The following EIF4E variants were observed in gnomAD, a reference collection of about 807,000 sequenced individuals.
EIF4E encodes eukaryotic translation initiation factor 4E, also known as eIF-4F 25 kDa subunit.
For synonymous variants in EIF4E, 71 were observed against 88.5 expected (o/e 0.80, Z 1.11); for missense variants, 113 against 265.6 (o/e 0.43, Z 3.99).
chr4:98,911,068 G>GAGAC, intron 1 of EIF4E, among the ~76,000 whole-genome samples: 1 of 148,036 alleles, frequency 6.8e-6, no homozygotes, highest in Non-Finnish European at 1.5e-5. Flanking sequence ...TTTTCCCTTT[G>GAGAC]AGACAGAGTC....
At chr4:98,913,146 T>C (rs1467322195) in intron 1 of EIF4E, among the ~76,000 whole-genome samples, 1 of 151,678 alleles carries the variant, frequency 6.6e-6, no homozygotes, top group African/African-American at 2.4e-5. Context: ...AGGCAGAGGT[T>C]GCAGTGAGCC....
intron 2 of EIF4E, among the ~76,000 whole-genome samples, chr4:98,898,375 G>A (rs775290188): frequency 4.7e-4 from 72 of 152,176 alleles, no homozygotes; most frequent in Admixed American, 5.9e-4. Flanking sequence ...TTGCGAGGCC[G>A]AGGTGGGTGG....
chr4:98,887,304 T>C lies in EIF4E; in HGVS notation c.286-112A>G. ...TGTCAACTTCTTACTTTATTGCCCA[T>C]AAAACTGCCATTGATGTAGTTTTTA... On this transcript the variant is annotated intron_variant, in intron 4 of 6. Coordinates refer to ENST00000450253, the MANE Select transcript of EIF4E (RefSeq NM_001968.5). The surrounding 1 kb of genome is among the most constrained non-coding windows in gnomAD (Gnocchi z 4.0). 9.1e-7 allele frequency: 1 copy of C among 1,101,488 alleles called. No homozygotes were observed. Among genetic ancestry groups the C allele is most frequent in the Non-Finnish European group, 1.4e-6 (1 of 719,782 alleles). The allele number at this position is 1,101,488 out of a possible 1,614,324, so 68.2% of individuals were successfully genotyped here. A position where few individuals can be genotyped will look rare whatever the true frequency, so the allele number is the denominator to read the frequency against.
chr4:98,900,778 C>T (rs1167774649), intron 2 of EIF4E, among the ~76,000 whole-genome samples: 1 of 152,104 alleles, frequency 6.6e-6, no homozygotes, highest in African/African-American at 2.4e-5. Context: ...TTGGGAAAAG[C>T]CATATAATGA....
At chr4:98,905,165 CT>C (rs1485858713) in intron 1 of EIF4E, among the ~76,000 whole-genome samples, 1 of 151,090 alleles carries the variant, frequency 6.6e-6, no homozygotes, top group Non-Finnish European at 1.5e-5. Flanking sequence ...CTAGTGTTCT[CT>C]CAATGAGCAA....
intron 1 of EIF4E, among the ~76,000 whole-genome samples, chr4:98,927,632 G>T (rs1354020424): frequency 8.6e-6 from 1 of 116,162 alleles, no homozygotes. Flanking sequence ...TCCAGCCTGG[G>T]CGACAAAGCA....
chr4:98,909,554 C>G (rs1725016585), intron 1 of EIF4E: 1 of 649,448 alleles, frequency 1.5e-6, no homozygotes, highest in South Asian at 1.9e-5. Flanking sequence ...TCTAACTCCA[C>G]TGAATCCAGT....
chr4:98,891,616 A>C (rs149836921), intron 2 of EIF4E: 16 of 348,360 alleles, frequency 4.6e-5, no homozygotes, highest in African/African-American at 3.0e-4. Context: ...AAGAAGTCAA[A>C]TTCATAGAAA....
At chr4:98,927,654 C>CAA (rs774720176) in intron 1 of EIF4E, among the ~76,000 whole-genome samples, 472 of 35,088 alleles carry the variant, frequency 0.013, 34 homozygotes, top group Non-Finnish European at 0.018. Context: ...GACTCCATCT[C>CAA]AAAAAAAAAA....
At chr4:98,928,256 G>A (rs997172003) in intron 1 of EIF4E, among the ~76,000 whole-genome samples, 5 of 152,038 alleles carry the variant, frequency 3.3e-5, no homozygotes, top group Non-Finnish European at 5.9e-5. Flanking sequence ...ACCGGCTACA[G>A]CGATCTGTAG....
intron 1 of EIF4E, among the ~76,000 whole-genome samples, chr4:98,904,122 GAGA>G (rs148161627): frequency 0.067 from 10,227 of 152,164 alleles, 1,109 homozygotes; most frequent in African/African-American, 0.23. Context: ...TGGCCTAACA[GAGA>G]AGAACAGCTA....
intron 1 of EIF4E, among the ~76,000 whole-genome samples, chr4:98,925,749 G>T (rs963825226): frequency 1.3e-5 from 2 of 152,182 alleles, no homozygotes; most frequent in East Asian, 3.8e-4. Context: ...AAGTGTTTAT[G>T]ATTATGCACA....
Position 98,879,843 on chromosome 4 carries a change from A to C in EIF4E, c.*1185T>G, listed in dbSNP as rs1362711402. The C allele has an allele frequency of 1.3e-5, 2 of 152,198 alleles. No individual in the cohort carries two copies. Among genetic ancestry groups the C allele is most frequent in the Non-Finnish European group, 2.9e-5 (2 of 68,012 alleles). 9.4% of individuals were successfully genotyped at this position (152,198 alleles called of 1,614,324 possible). The stretch of plus-strand genomic sequence containing the variant: ...TGACTGTGCCTTACTTTATAAAAAA[A>C]CAAAGATAGCCACATCAATTTAATT... On this transcript the variant is annotated 3_prime_UTR_variant, in exon 7 of 7. Coordinates refer to ENST00000450253, the MANE Select transcript of EIF4E (RefSeq NM_001968.5).
chr4:98,896,853 C>G (rs1724433145), intron 2 of EIF4E, among the ~76,000 whole-genome samples: 1 of 151,668 alleles, frequency 6.6e-6, no homozygotes, highest in African/African-American at 2.4e-5. Flanking sequence ...CTGTGGGGCC[C>G]CAGCTGGGGT....
chr4:98,900,099 G>T (rs1724583604), intron 2 of EIF4E, among the ~76,000 whole-genome samples: 1 of 149,978 alleles, frequency 6.7e-6, no homozygotes, highest in South Asian at 2.1e-4. Flanking sequence ...CAATAAAAGT[G>T]ACACCAAGAA....
At chr4:98,890,484 A>T (rs566287748) in intron 3 of EIF4E, among the ~76,000 whole-genome samples, 1 of 152,334 alleles carries the variant, frequency 6.6e-6, no homozygotes, top group South Asian at 2.1e-4. Context: ...AACTTCTTGA[A>T]ATAGACTTTA....
chr4:98,891,547 A>G lies in EIF4E; in HGVS notation c.126-215T>C, dbSNP rs7678621. 3.2e-3 allele frequency: 1,796 copies of G among 570,046 alleles called. 26 individuals carry two copies. Among genetic ancestry groups the G allele is most frequent in the African/African-American group, 0.031 (1,639 of 53,342 alleles). 35.3% of individuals were successfully genotyped at this position (570,046 alleles called of 1,614,324 possible). A position where few individuals can be genotyped will look rare whatever the true frequency, so the allele number is the denominator to read the frequency against. The stretch of plus-strand genomic sequence containing the variant: ...AGGGGAAGCTAAGGACATTAAGTGA[A>G]TAAGCCAGCCCCCCTCCAAAAAAGA... On this transcript the variant is annotated intron_variant, in intron 2 of 6. Coordinates refer to ENST00000450253, the MANE Select transcript of EIF4E (RefSeq NM_001968.5).
At chr4:98,892,968 T>G (rs778561270) in intron 2 of EIF4E, among the ~76,000 whole-genome samples, 2 of 152,192 alleles carry the variant, frequency 1.3e-5, no homozygotes, top group African/African-American at 2.4e-5. Context: ...ATATTATATA[T>G]AGAGGCATAC....
intron 2 of EIF4E, among the ~76,000 whole-genome samples, chr4:98,901,156 C>A (rs940685754): frequency 1.1e-4 from 17 of 151,364 alleles, no homozygotes; most frequent in Admixed American, 9.9e-4. Flanking sequence ...ACCACCCTAT[C>A]TTAGAATAAA....
Sources: gnomAD v4.1 joint callset for allele counts (sites outside exome capture counted in the v4.1 genomes callset) on GRCh38, gnomAD v4.1.1 for gene constraint, Gnocchi (gnomAD v3.1) non-coding constraint, MANE v1.5 for transcripts, NCBI Gene and HGNC (gene_info 2026-07-23, HGNC 2026-07-21) for gene names.